OCA2: variants seen among roughly 807,000 people sequenced by gnomAD.
OCA2 encodes P protein.
Under a neutral mutation model 100.2 loss-of-function variants are expected in OCA2, and 77 were observed. That is an observed-to-expected ratio of 0.77 (90% CI 0.64 to 0.93). OCA2 has a LOEUF of 0.93. Among genes scored for constraint, OCA2 ranks in the 40% least tolerant of loss-of-function variants. OCA2 has a pLI of 0.00. For missense variants in OCA2, 1,062 were observed against 1,089.1 expected (o/e 0.98, Z 0.35); for synonymous variants, 432 against 439.2 (o/e 0.98, Z 0.21).
chr15:27,880,785 A>G (rs2036983352), intron 19 of OCA2, among the ~76,000 whole-genome samples: 1 of 152,204 alleles, frequency 6.6e-6, no homozygotes, highest in Non-Finnish European at 1.5e-5. Context: ...TTCTAGACAT[A>G]GGATCATGTC....
the OCA2 span, among the ~76,000 whole-genome samples, chr15:27,721,422 C>T: frequency 1.3e-5 from 2 of 152,092 alleles, no homozygotes; most frequent in African/African-American, 4.8e-5. Context: ...TTATACGTGA[C>T]ACTACAGAAA....
At chr15:27,958,215 C>G (rs1293558383) in intron 15 of OCA2, among the ~76,000 whole-genome samples, 1 of 152,188 alleles carries the variant, frequency 6.6e-6, no homozygotes, top group African/African-American at 2.4e-5. Flanking sequence ...AAAAAATTAT[C>G]ACGAAAGCGA....
intron 18 of OCA2, among the ~76,000 whole-genome samples, chr15:27,947,035 A>C (rs1595697955): frequency 1.3e-5 from 2 of 152,272 alleles, no homozygotes; most frequent in East Asian, 3.9e-4. Context: ...ATCAGTACCC[A>C]ATCATACACT....
In OCA2 at chr15:27,913,903, GCAAGCAAGCAA is replaced by G. The variant is rs2038553341; in HGVS notation, c.2079+12213_2079+12223del. 1.0e-4 allele frequency among the ~76,000 whole-genome samples: 4 copies of G among 39,982 alleles called. 1 individual carries two copies. Among genetic ancestry groups the G allele is most frequent in the Admixed American group, 7.5e-4 (2 of 2,656 alleles). The allele number at this position is 39,982 out of a possible 152,430, so 26.2% of individuals were successfully genotyped here. On this transcript the variant is annotated intron_variant, in intron 19 of 23. Transcript: ENST00000354638. ...AGAAAGAAAGAAAGAAAGCAAGCAA[GCAAGCAAGCAA>G]GCAAGCAAGCAAGCAAGAAAGAAAG...
At chr15:28,009,728 A>ACACACAC (rs71132831) in intron 9 of OCA2, among the ~76,000 whole-genome samples, 2 of 150,838 alleles carry the variant, frequency 1.3e-5, no homozygotes, top group East Asian at 1.9e-4. Flanking sequence ...ACACACACAC[A>ACACACAC]AAGTCAACAA....
intron 18 of OCA2, among the ~76,000 whole-genome samples, chr15:27,942,630 A>C (rs556551492): frequency 1.3e-5 from 2 of 152,306 alleles, no homozygotes; most frequent in South Asian, 4.2e-4. Flanking sequence ...AAATACACTG[A>C]ATGATATAAT....
At chr15:27,982,424 C>T (rs2041197216) in intron 14 of OCA2, among the ~76,000 whole-genome samples, 1 of 152,124 alleles carries the variant, frequency 6.6e-6, no homozygotes, top group South Asian at 2.1e-4. Flanking sequence ...GGTCTGTTAC[C>T]ACCTGACATG....
intron 16 of OCA2, among the ~76,000 whole-genome samples, chr15:27,955,678 T>A (rs2140675795): frequency 6.6e-6 from 1 of 151,874 alleles, no homozygotes; most frequent in African/African-American, 2.4e-5. Context: ...TTGTTTTTTA[T>A]CAATCGATGA....
chr15:28,008,052 A>G (rs1299835260), intron 9 of OCA2, among the ~76,000 whole-genome samples: 4 of 152,232 alleles, frequency 2.6e-5, no homozygotes, highest in Non-Finnish European at 5.9e-5. Context: ...TTTAATATTT[A>G]TTGAGCACTT....
chr15:28,067,360 T>C lies in OCA2; in HGVS notation c.227+14288A>G, dbSNP rs535599933. On this transcript the variant is annotated intron_variant, in intron 2 of 23. Coordinates refer to ENST00000354638, the MANE Select transcript of OCA2 (RefSeq NM_000275.3). The stretch of plus-strand genomic sequence containing the variant: ...CGTATGGATTTTTGCATCTCGATTT[T>C]ATTAAGTTCTTCTCTAATTATTTCT... Among the ~76,000 whole-genome samples, 16 of 149,942 alleles carry C rather than the reference T, an allele frequency of 1.1e-4. No homozygotes were observed. The East Asian group carries it at 3.1e-3, about 29-fold the overall frequency.
chr15:28,074,075 A>C (rs2044349929), intron 2 of OCA2, among the ~76,000 whole-genome samples: 1 of 152,176 alleles, frequency 6.6e-6, no homozygotes, highest in South Asian at 2.1e-4. Context: ...AATCAACAAA[A>C]TGATGATAGA....
At chr15:27,770,927 T>TTTTTCTTCCTTCCTTCCCTCCCTCTC (rs1566949427) in intron 23 of OCA2, among the ~76,000 whole-genome samples, 1 of 125,054 alleles carries the variant, frequency 8.0e-6, no homozygotes, top group Non-Finnish European at 1.7e-5. Context: ...CCCTCCCTCT[T>TTTTTCTTCCTTCCTTCCCTCCCTCTC]TTCCTTTCTT....
At chr15:27,726,337 AAAT>A in the OCA2 span, among the ~76,000 whole-genome samples, 1 of 147,296 alleles carries the variant, frequency 6.8e-6, no homozygotes, top group Non-Finnish European at 1.5e-5. Context: ...ATAAATAAAT[AAAT>A]AAAAATAGTT....
intron 18 of OCA2, among the ~76,000 whole-genome samples, chr15:27,944,046 A>C (rs769329939): frequency 1.3e-5 from 2 of 152,174 alleles, no homozygotes; most frequent in Non-Finnish European, 2.9e-5. Flanking sequence ...AATAATTTAC[A>C]GAGTTTCACT....
chr15:27,725,582 C>T, the OCA2 span, among the ~76,000 whole-genome samples: 13,709 of 152,136 alleles, frequency 0.09, 2,126 homozygotes, highest in African/African-American at 0.31. Flanking sequence ...CAAAAACAAA[C>T]AAAACAAACA....
At chr15:28,021,206 C>T (rs1397062381) in intron 6 of OCA2, among the ~76,000 whole-genome samples, 2 of 152,192 alleles carry the variant, frequency 1.3e-5, no homozygotes, top group Non-Finnish European at 2.9e-5. Context: ...GGATGCCCGC[C>T]GCACTAGCAG....
intron 9 of OCA2, among the ~76,000 whole-genome samples, chr15:27,994,622 C>T (rs1227401672): frequency 6.6e-6 from 1 of 152,214 alleles, no homozygotes; most frequent in East Asian, 1.9e-4. Flanking sequence ...GCTGTGAGCT[C>T]CTGTGAGCAT....
intron 2 of OCA2, among the ~76,000 whole-genome samples, chr15:28,066,146 TACA>T (rs1198629300): frequency 6.6e-6 from 1 of 152,214 alleles, no homozygotes; most frequent in African/African-American, 2.4e-5. Context: ...ATTGATGTTT[TACA>T]ACAACACCAA....
intron 2 of OCA2, among the ~76,000 whole-genome samples, chr15:28,068,949 C>G (rs1036182297): frequency 1.3e-5 from 2 of 152,166 alleles, no homozygotes; most frequent in Non-Finnish European, 2.9e-5. Flanking sequence ...CCTCATAATA[C>G]TGAGAGCCAT....
Sources: allele counts gnomAD v4.1 joint callset (sites outside exome capture counted in the v4.1 genomes callset), GRCh38; gene constraint gnomAD v4.1.1; transcripts MANE v1.5; gene names NCBI Gene and HGNC (gene_info 2026-07-23, HGNC 2026-07-21).